Variants in GALNT14 observed in about 807,000 individuals in gnomAD.
GALNT14 encodes the protein UDP-GalNAc:polypeptide N-acetylgalactosaminyltransferase 14.
In GALNT14, 60 loss-of-function variants were observed where a neutral mutation model predicts 77.5. The ratio of observed to expected loss-of-function variants is 0.77; its 90% CI spans 0.63 to 0.96. The LOEUF (loss-of-function observed/expected upper bound fraction) is 0.96. Ranked by LOEUF, GALNT14 falls within the 40% of genes least tolerant of loss-of-function variation. GALNT14 has a pLI of 0.00. For missense variants in GALNT14, 710 were observed against 731.0 expected, an observed-to-expected ratio of 0.97 and a Z score of 0.33; for synonymous variants, 280 against 281.7, an observed-to-expected ratio of 0.99 and a Z score of 0.06.
At position 30,953,381 on chromosome 2, in the gene GALNT14, T is replaced by C. The variant is rs150938451; in HGVS notation, c.654+2237A>G. On this transcript the variant is annotated intron_variant, in intron 6 of 14. Transcript: ENST00000349752. ...TGGAGTGCAGTGGCACAATCTCGAT[T>C]CACTGCAACCACTGCCTCCCTGGTT... Among the ~76,000 whole-genome samples, 162 of 151,106 alleles carry C rather than the reference T, an allele frequency of 1.1e-3. 3 individuals carry two copies. The East Asian group carries it at 0.03, about 28-fold the overall frequency.
intron 1 of GALNT14, among the ~76,000 whole-genome samples, chr2:31,124,689 C>A (rs1421695150): frequency 6.6e-6 from 1 of 152,114 alleles, no homozygotes; most frequent in African/African-American, 2.4e-5. Flanking sequence ...GGTGCAATCT[C>A]GGCTCACTGC....
intron 9 of GALNT14, among the ~76,000 whole-genome samples, chr2:30,940,899 C>G (rs1292949894): frequency 1.3e-5 from 2 of 152,188 alleles, no homozygotes; most frequent in African/African-American, 4.8e-5. Flanking sequence ...GGCATCCAGT[C>G]TGGACCCTGT....
chr2:30,958,481 GA>G lies in GALNT14; in HGVS notation c.399-18del, dbSNP rs767229510. The G allele has an allele frequency of 1.9e-6, 3 of 1,609,466 alleles. No homozygotes were observed. Among genetic ancestry groups the G allele is most frequent in the African/African-American group, 1.3e-5 (1 of 74,698 alleles). ...TTTAATACACTGCAAGATGGAAACA[GA>G]AAAAAATCACTGGAACTTCTAGTGG... On this transcript the variant is annotated intron_variant, in intron 3 of 14. Transcript: ENST00000349752.
chr2:30,902,611 A>C, the GALNT14 span, among the ~76,000 whole-genome samples: 16 of 152,130 alleles, frequency 1.1e-4, no homozygotes, highest in Non-Finnish European at 1.9e-4. Context: ...GTGTTTGAGA[A>C]ACACCCAACA....
chr2:30,967,321 G>C (rs1423584985), intron 2 of GALNT14, among the ~76,000 whole-genome samples: 2 of 152,208 alleles, frequency 1.3e-5, no homozygotes, highest in Non-Finnish European at 2.9e-5. Flanking sequence ...CTAGTCTCAA[G>C]AAAGTCTGTG....
intron 1 of GALNT14, among the ~76,000 whole-genome samples, chr2:31,055,313 C>T (rs998677737): frequency 6.6e-6 from 1 of 152,216 alleles, no homozygotes; most frequent in African/African-American, 2.4e-5. Context: ...TTTTAAAGAA[C>T]ATAAATGGCA....
chr2:30,991,304 C>T (rs1411566696), intron 2 of GALNT14: 1 of 152,132 alleles, frequency 6.6e-6, no homozygotes, highest in African/African-American at 2.4e-5. Flanking sequence ...CTGCCTAAGA[C>T]CCAGCGGAGC....
chr2:30,976,182 C>T (rs971367128), intron 2 of GALNT14, among the ~76,000 whole-genome samples: 1 of 152,178 alleles, frequency 6.6e-6, no homozygotes, highest in African/African-American at 2.4e-5. Flanking sequence ...CATCTCAGCT[C>T]TCAGTGCTGC....
the GALNT14 span, among the ~76,000 whole-genome samples, chr2:30,902,998 A>G: frequency 6.6e-6 from 1 of 152,150 alleles, no homozygotes; most frequent in African/African-American, 2.4e-5. Flanking sequence ...TCTTCTATAG[A>G]TGGCTTGATT....
chr2:31,133,760 C>T (rs1041819767), intron 1 of GALNT14, among the ~76,000 whole-genome samples: 1 of 152,170 alleles, frequency 6.6e-6, no homozygotes, highest in African/African-American at 2.4e-5. Flanking sequence ...TTTTAAGTGG[C>T]ATAGTATTTA....
chr2:31,119,281 C>G (rs1223799192), intron 1 of GALNT14, among the ~76,000 whole-genome samples: 1 of 151,922 alleles, frequency 6.6e-6, no homozygotes, highest in Non-Finnish European at 1.5e-5. Flanking sequence ...ACAGTATTAA[C>G]AAATTAATCA....
At chr2:30,982,892 C>G (rs1669074224) in intron 2 of GALNT14, among the ~76,000 whole-genome samples, 2 of 152,272 alleles carry the variant, frequency 1.3e-5, no homozygotes, top group South Asian at 4.1e-4. Context: ...ATTTCAAAAG[C>G]CACTGAACTG....
At chr2:31,109,763 T>C (rs893731811) in intron 1 of GALNT14, among the ~76,000 whole-genome samples, 2 of 152,182 alleles carry the variant, frequency 1.3e-5, no homozygotes, top group Non-Finnish European at 2.9e-5. Flanking sequence ...CTGATAGTGG[T>C]CCTTGAAAGG....
At chr2:30,901,538 A>G in the GALNT14 span, among the ~76,000 whole-genome samples, 1 of 151,534 alleles carries the variant, frequency 6.6e-6, no homozygotes, top group Non-Finnish European at 1.5e-5. Flanking sequence ...TTCCTTTAAT[A>G]CATATATATG....
chr2:31,033,278 A>C (rs1672523937), intron 1 of GALNT14, among the ~76,000 whole-genome samples: 1 of 152,122 alleles, frequency 6.6e-6, no homozygotes, highest in Non-Finnish European at 1.5e-5. Context: ...AGAGCACCAG[A>C]GGCAGGCATA....
At chr2:31,132,798 T>C (rs755187407) in intron 1 of GALNT14, 10 of 463,326 alleles carry the variant, frequency 2.2e-5, no homozygotes, top group Non-Finnish European at 4.5e-5. Context: ...ACTAACGAAT[T>C]AGCCATAAGA....
chr2:30,947,239 G>A (rs911566213), intron 6 of GALNT14, among the ~76,000 whole-genome samples: 7 of 152,044 alleles, frequency 4.6e-5, no homozygotes, highest in Non-Finnish European at 4.4e-5. Flanking sequence ...TTGCAAATCT[G>A]ACTCTGCCAC....
chr2:31,133,916 G>A (rs954308053), intron 1 of GALNT14, among the ~76,000 whole-genome samples: 7 of 152,190 alleles, frequency 4.6e-5, no homozygotes, highest in African/African-American at 7.2e-5. Context: ...CTCTTTACTT[G>A]AGCTATTAAT....
chr2:30,932,555 T>C (rs1012138408), intron 9 of GALNT14, among the ~76,000 whole-genome samples: 1 of 152,212 alleles, frequency 6.6e-6, no homozygotes, highest in Admixed American at 6.5e-5. Context: ...GAATTCATTG[T>C]GGAAGTCTGG....
Sources: allele counts gnomAD v4.1 joint callset (sites outside exome capture counted in the v4.1 genomes callset), GRCh38; gene constraint gnomAD v4.1.1; transcripts MANE v1.5; gene names NCBI Gene and HGNC (gene_info 2026-07-23, HGNC 2026-07-21).